The following RPRD1B variants were observed in gnomAD, a reference collection of about 807,000 sequenced individuals.
The protein encoded by RPRD1B is regulation of nuclear pre-mRNA domain-containing protein 1B.
Under a neutral mutation model 41.5 loss-of-function variants are expected in RPRD1B, and 11 were observed. The observed-to-expected ratio is 0.27, with a 90% CI of 0.17 to 0.44. The LOEUF (loss-of-function observed/expected upper bound fraction) is 0.44. RPRD1B is among the 20% of genes least tolerant of loss of function. The probability of loss-of-function intolerance (pLI) is 1.00; values close to 1 mark genes in which losing one functional copy is unlikely to be tolerated. For synonymous variants in RPRD1B, 158 were observed against 155.6 expected (o/e 1.02, Z -0.12); for missense variants, 248 against 389.9 (o/e 0.64, Z 3.06).
intron 1 of RPRD1B, among the ~76,000 whole-genome samples, chr20:38,039,819 C>T (rs2074046361): frequency 6.6e-6 from 1 of 151,240 alleles, no homozygotes; most frequent in African/African-American, 2.4e-5. Flanking sequence ...CTGCAACCTC[C>T]ACCTCCTGGG....
At chr20:38,077,457 C>G (rs772544602) in intron 6 of RPRD1B, among the ~76,000 whole-genome samples, 1 of 152,130 alleles carries the variant, frequency 6.6e-6, no homozygotes, top group Non-Finnish European at 1.5e-5. Context: ...AAATCAGACA[C>G]TAGGCCTCAT....
Position 38,038,466 on chromosome 20 carries a change from C to T in RPRD1B, c.152-1969C>T, listed in dbSNP as rs546422630. Among the ~76,000 whole-genome samples the T allele has an allele frequency of 8.0e-5, 12 of 149,336 alleles. No individual in the cohort carries two copies. In the East Asian group the frequency reaches 1.6e-3, roughly 19 times the overall value. ...CTGGGTTTACAGGCGCCTGGCACCA[C>T]GCCCGGCTGATTTTTTTTGTTTTGT... On this transcript the variant is annotated intron_variant, in intron 1 of 6. Transcript: ENST00000373433.
At position 38,033,761 on chromosome 20, in the gene RPRD1B, T is replaced by TGTG. The variant is rs1210243396; in HGVS notation, c.-185_-183dup. On this transcript the variant is annotated 5_prime_UTR_variant, in exon 1 of 7. Coordinates refer to ENST00000373433, the MANE Select transcript of RPRD1B (RefSeq NM_021215.4). ...AGGGTGAGAGGTCGGGTGGCCATCT[T>TGTG]GTGGCGGCGGCGCGGGCGGCTGTTA... The TGTG allele has an allele frequency of 1.5e-5, 9 of 583,730 alleles. No homozygotes were observed. Among genetic ancestry groups the TGTG allele is most frequent in the African/African-American group, 1.1e-4 (6 of 52,580 alleles). 36.2% of individuals were successfully genotyped at this position (583,730 alleles called of 1,614,324 possible). A position where few individuals can be genotyped will look rare whatever the true frequency, so the allele number is the denominator to read the frequency against.
Position 38,066,246 on chromosome 20 carries a change from A to G in RPRD1B, c.821A>G (p.Lys274Arg), listed in dbSNP as rs1220558711. 5 of 1,614,056 alleles carry G rather than the reference A, an allele frequency of 3.1e-6. No homozygotes were observed. The South Asian group carries it at 3.3e-5, about 11-fold the overall frequency. ...AAAGATGTTTTGTCGGAGAAGGAGA[A>G]AAAACTAGAGGTGAGTGCATTGAAG... is the stretch of plus-strand genomic sequence containing the variant. ...NQKDVLSEKE[K>R]KLEEYKQKLA... Residue 274 changes from lysine (K) to arginine (R), a missense_variant, in exon 6 of 7, where the codon AAA (lysine) becomes AGA (arginine). This residue lies in a region of RPRD1B where 93 missense variants were observed against 167.2 expected (regional missense o/e 0.56). Coordinates refer to ENST00000373433, the MANE Select transcript of RPRD1B (RefSeq NM_021215.4).
chr20:38,069,919 T>C (rs2074395177), intron 6 of RPRD1B, among the ~76,000 whole-genome samples: 1 of 152,240 alleles, frequency 6.6e-6, no homozygotes, highest in African/African-American at 2.4e-5. Context: ...ACTCTTTGAG[T>C]GCTCTCACAG....
intron 6 of RPRD1B, among the ~76,000 whole-genome samples, chr20:38,088,994 G>T (rs1357044330): frequency 2.0e-5 from 3 of 152,314 alleles, no homozygotes; most frequent in East Asian, 1.9e-4. Context: ...GACAAAGAGG[G>T]TTAGGAGGTT....
Position 38,048,474 on chromosome 20 carries a change from C to A in RPRD1B, c.408C>A (p.Pro136=). ...CTATGGAGGACTCCAAGAGCCCTCCCCCCAAAGGTAGAAACATCACCACAT... is the reference window on the plus strand; with the variant it reads ...CTATGGAGGACTCCAAGAGCCCTCCACCCAAAGGTAGAAACATCACCACAT... The part of the protein sequence containing the change: ...KLSMEDSKSP[P]PKATEEKKSL... The change falls in exon 3 of 7, where the codon CCC becomes CCA. Residue 136 remains proline (P), a synonymous_variant. Transcript: ENST00000373433. 6.2e-7 allele frequency: 1 copy of A among 1,603,558 alleles called. No homozygotes were observed. Among genetic ancestry groups the A allele is most frequent in the South Asian group, 1.1e-5 (1 of 90,126 alleles).
intron 4 of RPRD1B, 148 bp from the exon 5 acceptor site, chr20:38,059,246 T>C: frequency 4.3e-6 from 3 of 690,798 alleles, no homozygotes; most frequent in East Asian, 3.2e-5. Context: ...TTGACTTACA[T>C]GTAAGCTCTG....
intron 6 of RPRD1B, among the ~76,000 whole-genome samples, chr20:38,088,804 A>G (rs1438112071): frequency 6.6e-6 from 1 of 152,128 alleles, no homozygotes; most frequent in Non-Finnish European, 1.5e-5. Flanking sequence ...TGTGAGGGAG[A>G]GCTCTGGAGC....
intron 5 of RPRD1B, chr20:38,065,847 T>C: frequency 2.7e-6 from 1 of 374,158 alleles, no homozygotes; most frequent in Non-Finnish European, 4.8e-6. Flanking sequence ...TTTGCCAGAT[T>C]CCCCCCATGT....
At chr20:38,072,959 A>G (rs2074426158) in intron 6 of RPRD1B, among the ~76,000 whole-genome samples, 1 of 152,228 alleles carries the variant, frequency 6.6e-6, no homozygotes, top group African/African-American at 2.4e-5. Context: ...GCTGGACAGA[A>G]CCTTAGAGAT....
chr20:38,089,592 A>G lies in RPRD1B; in HGVS notation c.832-134A>G, dbSNP rs2074594275. Reference sequence around the variant, plus strand: ...GCATTTGAAGCCCTAGCTTTGTGATATAGCTGAACAGGGTGGGCAGGCTGG... The same window carrying G: ...GCATTTGAAGCCCTAGCTTTGTGATGTAGCTGAACAGGGTGGGCAGGCTGG... On this transcript the variant is annotated intron_variant, in intron 6 of 6. Transcript: ENST00000373433. The G allele has an allele frequency of 1.8e-5, 12 of 667,156 alleles. No individual in the cohort carries two copies. The South Asian group carries it at 2.4e-4, about 13-fold the overall frequency. The allele number at this position is 667,156 out of a possible 1,614,324, so 41.3% of individuals were successfully genotyped here.
intron 2 of RPRD1B, among the ~76,000 whole-genome samples, chr20:38,044,653 C>A (rs1180188281): frequency 6.6e-6 from 1 of 152,102 alleles, no homozygotes; most frequent in African/African-American, 2.4e-5. Context: ...GGATTACAGG[C>A]GTCAGCCACC....
chr20:38,075,322 TTTATG>T (rs1385993146), intron 6 of RPRD1B, among the ~76,000 whole-genome samples: 13 of 152,220 alleles, frequency 8.5e-5, no homozygotes, highest in African/African-American at 3.1e-4. Context: ...AGTCTTTTGT[TTTATG>T]AAGGAGTAAA....
At chr20:38,049,751 A>G (rs1271171833) in intron 3 of RPRD1B, 1 of 471,052 alleles carries the variant, frequency 2.1e-6, no homozygotes, top group East Asian at 6.9e-5. Flanking sequence ...AGTTGGCATG[A>G]CATGTTTCTT....
chr20:38,038,132 G>A (rs1162895188), intron 1 of RPRD1B, among the ~76,000 whole-genome samples: 1 of 152,144 alleles, frequency 6.6e-6, no homozygotes. Context: ...AAAGCTCCAG[G>A]TTCCTAGTAT....
chr20:38,047,609 C>T (rs1049622827), intron 2 of RPRD1B, among the ~76,000 whole-genome samples: 2 of 152,074 alleles, frequency 1.3e-5, no homozygotes, highest in African/African-American at 2.4e-5. Context: ...CTTCTGCTTG[C>T]TGTCTGAGAT....
At position 38,033,936 on chromosome 20, in the gene RPRD1B, A is replaced by G. The variant is rs1424314363; in HGVS notation, c.-12A>G. The G allele has an allele frequency of 3.1e-6, 5 of 1,602,928 alleles. No individual in the cohort carries two copies. The African/African-American group carries it at 5.4e-5, about 17-fold the overall frequency. ...CCCAGGCCGCTCCCTGCCGGGCCTC[A>G]CTGCCGCCACCATGTCCTCCTTCTC... On this transcript the variant is annotated 5_prime_UTR_variant, in exon 1 of 7. Transcript: ENST00000373433.
intron 2 of RPRD1B, among the ~76,000 whole-genome samples, chr20:38,042,020 C>CAG (rs11473269): frequency 0.24 from 36,913 of 151,956 alleles, 5,606 homozygotes; most frequent in African/African-American, 0.44. Flanking sequence ...TGCCCTGACA[C>CAG]AGTAGGCGTT....
Sources: gnomAD v4.1 joint callset for allele counts (sites outside exome capture counted in the v4.1 genomes callset) on GRCh38, gnomAD v4.1.1 for gene constraint, gnomAD v4.1.1 regional missense constraint, MANE v1.5 for transcripts, NCBI Gene and HGNC (gene_info 2026-07-23, HGNC 2026-07-21) for gene names.